Variants in TNFSF11 observed in about 807,000 individuals in gnomAD.
TNFSF11 encodes tumor necrosis factor ligand superfamily member 11.
A neutral mutation model predicts 32.2 loss-of-function variants in TNFSF11; 12 were observed. The observed-to-expected ratio is 0.37, with a 90% confidence interval of 0.24 to 0.60. TNFSF11 has a LOEUF of 0.60. TNFSF11 is among the 20% of genes least tolerant of loss of function. The probability of loss-of-function intolerance (pLI) is 0.66; values close to 1 mark genes in which losing one functional copy is unlikely to be tolerated. For missense variants in TNFSF11, 345 were observed against 398.0 expected (o/e 0.87, Z 1.13); for synonymous variants, 172 against 152.1 (o/e 1.13, Z -0.96).
In TNFSF11 at chr13:42,599,672, C is replaced by T. The variant is rs551896603; in HGVS notation, c.388-1080C>T. 2.6e-5 allele frequency among the ~76,000 whole-genome samples: 4 copies of T among 152,220 alleles called. 1 individual carries two copies. The East Asian group carries it at 7.7e-4, about 29-fold the overall frequency. On this transcript the variant is annotated intron_variant, in intron 2 of 4. Transcript: ENST00000398795. ...CTCCCCCGCAACCTCCCGGTTCAAG[C>T]GATTCGCCTGCCTCAGCCTCTTGAG...
chr13:42,579,285 G>C lies in TNFSF11; in HGVS notation c.220-1841G>C, dbSNP rs190392790. Among the ~76,000 whole-genome samples, 11 of 152,074 alleles carry C rather than the reference G, an allele frequency of 7.2e-5. No individual in the cohort carries two copies. The East Asian group carries it at 2.1e-3, about 29-fold the overall frequency. ...TAGCCAAGCATGGTGGCCTGCACCTGTAGTCCCAGCTACATGGAAGGCTAA... is the reference window on the plus strand; with the variant it reads ...TAGCCAAGCATGGTGGCCTGCACCTCTAGTCCCAGCTACATGGAAGGCTAA... On this transcript the variant is annotated intron_variant, in intron 1 of 4. Coordinates refer to ENST00000398795, the MANE Select transcript of TNFSF11 (RefSeq NM_003701.4).
At position 42,602,825 on chromosome 13, in the gene TNFSF11, G is replaced by A. The variant is rs576999502; in HGVS notation, c.532+1844G>A. On this transcript the variant is annotated intron_variant, in intron 4 of 4. Transcript: ENST00000398795. ...TTATCTTTTCAGTTCACTTTAAATG[G>A]CATATGATAAATATTGCATTAGACC... Among the ~76,000 whole-genome samples the A allele has an allele frequency of 5.3e-5, 8 of 152,234 alleles. No homozygotes were observed. In the South Asian group the frequency reaches 1.2e-3, roughly 24 times the overall value.
upstream of TNFSF11, among the ~76,000 whole-genome samples, chr13:42,570,425 A>T (rs1242599697): frequency 6.6e-6 from 1 of 152,254 alleles, no homozygotes; most frequent in Admixed American, 6.5e-5. Context: ...CTATGTTAAT[A>T]CACTAAGGTA....
chr13:42,571,649 G>A (rs1873072931), upstream of TNFSF11: 1 of 152,226 alleles, frequency 6.6e-6, no homozygotes, highest in Admixed American at 6.5e-5. Context: ...GATTATAGAA[G>A]TGAACCACTG....
Position 42,592,381 on chromosome 13 carries a change from G to C in TNFSF11, c.388-8371G>C, listed in dbSNP as rs535014947. Among the ~76,000 whole-genome samples, 3 of 152,278 alleles carry C rather than the reference G, an allele frequency of 2.0e-5. No individual in the cohort carries two copies. The East Asian group carries it at 5.8e-4, about 29-fold the overall frequency. On this transcript the variant is annotated intron_variant, in intron 2 of 4. Transcript: ENST00000398795. ...GCTCACAGAACTCAGGAAAGCACTT[G>C]ACTTACTATGACCAGCTTATTATAA...
chr13:42,577,323 G>A (rs1329895260), intron 1 of TNFSF11, among the ~76,000 whole-genome samples: 1 of 152,142 alleles, frequency 6.6e-6, no homozygotes, highest in South Asian at 2.1e-4. Context: ...TGTTTGAATA[G>A]ATAAAATTGA....
At chr13:42,581,006 A>G in intron 1 of TNFSF11, 120 bp from the exon 2 acceptor site, 1 of 1,026,062 alleles carries the variant, frequency 9.7e-7, no homozygotes, top group East Asian at 2.4e-5. Context: ...TTAACTATTC[A>G]TTGTTGGGGA....
In TNFSF11 at chr13:42,605,531, C is replaced by T. The variant is rs1869407036; in HGVS notation, c.533-966C>T. Among the ~76,000 whole-genome samples, 3 of 152,092 alleles carry T rather than the reference C, an allele frequency of 2.0e-5. No homozygotes were observed. In the South Asian group the frequency reaches 6.2e-4, roughly 32 times the overall value. On this transcript the variant is annotated intron_variant, in intron 4 of 4. Coordinates refer to ENST00000398795, the MANE Select transcript of TNFSF11 (RefSeq NM_003701.4). ...CAATTTTTAATGACCCAGGAAAATA[C>T]ACCAAAGGACCTGAAATATGAAAAG... is the stretch of plus-strand genomic sequence containing the variant.
chr13:42,577,284 T>C (rs1488405955), intron 1 of TNFSF11, among the ~76,000 whole-genome samples: 1 of 152,214 alleles, frequency 6.6e-6, no homozygotes, highest in Non-Finnish European at 1.5e-5. Flanking sequence ...AAAATTACGG[T>C]GACGGTTAAA....
chr13:42,582,509 T>C (rs1292186332), intron 2 of TNFSF11, among the ~76,000 whole-genome samples: 1 of 152,244 alleles, frequency 6.6e-6, no homozygotes, highest in Non-Finnish European at 1.5e-5. Flanking sequence ...AACATGATCA[T>C]CATAGGTTCT....
At position 42,579,701 on chromosome 13, in the gene TNFSF11, GC is replaced by G. The variant is rs1394523768; in HGVS notation, c.220-1422del. Among the ~76,000 whole-genome samples, 478 of 81,988 alleles carry G rather than the reference GC, an allele frequency of 5.8e-3. 5 individuals are homozygous for G. The highest frequency in any genetic ancestry group is 0.021 in the African/African-American group (441 of 21,416). 53.8% of individuals were successfully genotyped at this position (81,988 alleles called of 152,430 possible). On this transcript the variant is annotated intron_variant, in intron 1 of 4. Coordinates refer to ENST00000398795, the MANE Select transcript of TNFSF11 (RefSeq NM_003701.4). The stretch of plus-strand genomic sequence containing the variant: ...GTGGGATACACACCGGCATAAGTAA[GC>G]CCTTTTTTTTTTTTTTTTTTTTTTT...
chr13:42,593,498 G>A (rs1868618411), intron 2 of TNFSF11, among the ~76,000 whole-genome samples: 1 of 152,144 alleles, frequency 6.6e-6, no homozygotes, highest in Non-Finnish European at 1.5e-5. Context: ...AAAACTTGAA[G>A]GAAGGCAGTG....
chr13:42,586,247 G>C (rs111432782), intron 2 of TNFSF11, among the ~76,000 whole-genome samples: 1 of 152,154 alleles, frequency 6.6e-6, no homozygotes, highest in African/African-American at 2.4e-5. Flanking sequence ...GCCATTTCGC[G>C]CACATCTGAA....
chr13:42,565,028 A>C (rs924903326), intron 1 of TNFSF11, among the ~76,000 whole-genome samples: 1 of 152,194 alleles, frequency 6.6e-6, no homozygotes, highest in Non-Finnish European at 1.5e-5. Context: ...AATCTGTTAC[A>C]TCAGCTCCAG....
chr13:42,603,210 T>C (rs1005777998), intron 4 of TNFSF11, among the ~76,000 whole-genome samples: 3 of 152,198 alleles, frequency 2.0e-5, no homozygotes, highest in African/African-American at 7.2e-5. Flanking sequence ...ACCACTTGCA[T>C]TTTCAAAATA....
upstream of TNFSF11, among the ~76,000 whole-genome samples, chr13:42,569,475 G>C (rs973730547): frequency 2.6e-5 from 4 of 151,272 alleles, no homozygotes; most frequent in African/African-American, 9.7e-5. Context: ...GTGAACCCAG[G>C]AGGAGGAGCT....
At chr13:42,582,648 T>C (rs185558437) in intron 2 of TNFSF11, among the ~76,000 whole-genome samples, 161 of 152,352 alleles carry the variant, frequency 1.1e-3, no homozygotes, top group Non-Finnish European at 1.2e-3. Context: ...AAATTACTTT[T>C]TCATTATCAT....
At chr13:42,564,806 G>A (rs1872810551) in intron 1 of TNFSF11, among the ~76,000 whole-genome samples, 1 of 152,208 alleles carries the variant, frequency 6.6e-6, no homozygotes, top group Admixed American at 6.5e-5. Flanking sequence ...GCTTTAAGTA[G>A]TTTCAGTGCA....
chr13:42,581,575 A>G (rs1376918857), intron 2 of TNFSF11, among the ~76,000 whole-genome samples: 2 of 152,198 alleles, frequency 1.3e-5, no homozygotes, highest in African/African-American at 2.4e-5. Context: ...CTTAAGACTA[A>G]GGTGGCTGTG....
Sources: allele counts gnomAD v4.1 joint callset (sites outside exome capture counted in the v4.1 genomes callset), GRCh38; gene constraint gnomAD v4.1.1; transcripts MANE v1.5; gene names NCBI Gene and HGNC (gene_info 2026-07-23, HGNC 2026-07-21).